The following ARHGAP22 variants were observed in gnomAD, a reference collection of about 807,000 sequenced individuals.
ARHGAP22 encodes Rho GTPase activating protein 22.
A neutral mutation model predicts 59.1 loss-of-function variants in ARHGAP22; 48 were observed. That is an observed-to-expected ratio of 0.81 (90% CI 0.64 to 1.03). The LOEUF is 1.03. Among genes scored for constraint, ARHGAP22 ranks in the 50% least tolerant of loss-of-function variants. ARHGAP22 has a pLI of 0.00. For synonymous variants in ARHGAP22, 445 were observed against 416.4 expected (o/e 1.07, Z -0.84); for missense variants, 1,015 against 958.7 (o/e 1.06, Z -0.78).
chr10:48,470,227 T>C (rs1255325543), intron 4 of ARHGAP22, among the ~76,000 whole-genome samples: 1 of 152,250 alleles, frequency 6.6e-6, no homozygotes, highest in African/African-American at 2.4e-5. Flanking sequence ...AAGGGCTTAA[T>C]GAACCAGCAA....
chr10:48,632,459 C>A (rs547783785), intron 1 of ARHGAP22, among the ~76,000 whole-genome samples: 192 of 152,246 alleles, frequency 1.3e-3, no homozygotes, highest in Admixed American at 3.1e-3. Context: ...CACTTGCTTG[C>A]ATGACTTCTG....
intron 1 of ARHGAP22, among the ~76,000 whole-genome samples, chr10:48,649,983 G>A (rs1364993195): frequency 2.0e-5 from 3 of 151,028 alleles, no homozygotes; most frequent in African/African-American, 2.4e-5. Context: ...TGAGAAAGAC[G>A]GAGGGAGGGA....
At chr10:48,507,287 G>A (rs1337611104) in intron 3 of ARHGAP22, among the ~76,000 whole-genome samples, 1 of 152,186 alleles carries the variant, frequency 6.6e-6, no homozygotes, top group Non-Finnish European at 1.5e-5. Flanking sequence ...ACAGGTGAAG[G>A]TCCCCTATGA....
chr10:48,458,603 A>G (rs1353790859), intron 5 of ARHGAP22, among the ~76,000 whole-genome samples: 1 of 152,200 alleles, frequency 6.6e-6, no homozygotes, highest in Non-Finnish European at 1.5e-5. Context: ...AGGGCAGAGC[A>G]TCTGATCCTG....
At position 48,493,162 on chromosome 10, in the gene ARHGAP22, C is replaced by T. The variant is rs562125322; in HGVS notation, c.323-13398G>A. Among the ~76,000 whole-genome samples the T allele has an allele frequency of 5.9e-5, 9 of 152,254 alleles. No homozygotes were observed. In the East Asian group the frequency reaches 1.7e-3, roughly 29 times the overall value. ...ATGGGCCATTATTTTGCCAACCACA[C>T]TCTCAGGCATCCTGAGACCTGCCTG... On this transcript the variant is annotated intron_variant, in intron 3 of 9. Coordinates refer to ENST00000249601, the MANE Select transcript of ARHGAP22 (RefSeq NM_021226.4).
At chr10:48,555,164 G>T (rs1218344126) in intron 3 of ARHGAP22, among the ~76,000 whole-genome samples, 1 of 152,140 alleles carries the variant, frequency 6.6e-6, no homozygotes, top group Non-Finnish European at 1.5e-5. Context: ...TCCAGGTATT[G>T]TGTTTAGATT....
At chr10:48,595,373 T>C (rs1262702259) in intron 1 of ARHGAP22, among the ~76,000 whole-genome samples, 5 of 152,172 alleles carry the variant, frequency 3.3e-5, no homozygotes, top group Non-Finnish European at 7.3e-5. Context: ...TTCATCAAGT[T>C]AATGCAATTT....
intron 1 of ARHGAP22, among the ~76,000 whole-genome samples, chr10:48,638,204 C>T (rs1297689597): frequency 6.6e-6 from 1 of 152,140 alleles, no homozygotes; most frequent in Non-Finnish European, 1.5e-5. Flanking sequence ...GTTACACTTC[C>T]CAGGATTCCC....
chr10:48,464,030 T>G (rs2047408265), intron 4 of ARHGAP22, among the ~76,000 whole-genome samples: 1 of 152,184 alleles, frequency 6.6e-6, no homozygotes. Context: ...CCCGGCCTGC[T>G]GTCCCATCTC....
chr10:48,637,106 G>A (rs2061849913), intron 1 of ARHGAP22, among the ~76,000 whole-genome samples: 2 of 152,174 alleles, frequency 1.3e-5, no homozygotes, highest in Non-Finnish European at 2.9e-5. Context: ...CTGAGAAGCT[G>A]ATCTCCCCAG....
intron 4 of ARHGAP22, 82 bp downstream of exon 4, chr10:48,479,554 T>C (rs1370664419): frequency 6.2e-7 from 1 of 1,608,312 alleles, no homozygotes. Flanking sequence ...GAGCAGGGTC[T>C]TTGGGGCTCA....
intron 3 of ARHGAP22, among the ~76,000 whole-genome samples, chr10:48,539,382 C>T (rs190686369): frequency 2.3e-3 from 343 of 147,690 alleles, no homozygotes; most frequent in African/African-American, 7.2e-3. Context: ...AGCTCCGCCT[C>T]CCGGGTTCAC....
At chr10:48,496,788 G>C (rs544807179) in intron 3 of ARHGAP22, among the ~76,000 whole-genome samples, 1 of 152,316 alleles carries the variant, frequency 6.6e-6, no homozygotes, top group African/African-American at 2.4e-5. Context: ...AGTAATGGAG[G>C]GGGGCTGCAT....
chr10:48,454,064 G>C (rs2046259582), intron 7 of ARHGAP22, 24 bp downstream of exon 7: 1 of 1,608,526 alleles, frequency 6.2e-7, no homozygotes, highest in Non-Finnish European at 8.5e-7. Flanking sequence ...GGAAAGTGTG[G>C]TTCCCTCCTG....
intron 2 of ARHGAP22, 64 bp downstream of exon 2, chr10:48,582,889 A>G (rs751616106): frequency 3.8e-6 from 6 of 1,575,146 alleles, no homozygotes; most frequent in Admixed American, 3.4e-5. Flanking sequence ...TCTCCTGGGC[A>G]TGGTCTTCCC....
chr10:48,433,930 T>C, the ARHGAP22 span, among the ~76,000 whole-genome samples: 9 of 152,236 alleles, frequency 5.9e-5, no homozygotes, highest in Non-Finnish European at 1.0e-4. Context: ...TGAGAACTTT[T>C]AAGTAACTTG....
Position 48,582,032 on chromosome 10 carries a change from G to T in ARHGAP22, c.234+921C>A, listed in dbSNP as rs188269507. ...CACTTCATCCTTGACATGCTTAGAA[G>T]AACTGAAAGAGGAAAGGGACATTTT... On this transcript the variant is annotated intron_variant, in intron 2 of 9. Transcript: ENST00000249601. Among the ~76,000 whole-genome samples the T allele has an allele frequency of 2.0e-5, 3 of 152,330 alleles. No homozygotes were observed. In the East Asian group the frequency reaches 5.8e-4, roughly 29 times the overall value.
At chr10:48,520,639 T>C (rs968020488) in intron 3 of ARHGAP22, among the ~76,000 whole-genome samples, 4 of 152,080 alleles carry the variant, frequency 2.6e-5, no homozygotes, top group Non-Finnish European at 5.9e-5. Flanking sequence ...GTTTTTGAAT[T>C]TTTGGTTGAG....
intron 3 of ARHGAP22, among the ~76,000 whole-genome samples, chr10:48,539,847 T>C (rs2055759257): frequency 6.6e-6 from 1 of 152,254 alleles, no homozygotes; most frequent in South Asian, 2.1e-4. Context: ...TAAATAGCTG[T>C]AAATTAATTT....
Sources: gnomAD v4.1 joint callset for allele counts (sites outside exome capture counted in the v4.1 genomes callset) on GRCh38, gnomAD v4.1.1 for gene constraint, MANE v1.5 for transcripts, NCBI Gene and HGNC (gene_info 2026-07-23, HGNC 2026-07-21) for gene names.